The following FKBP6 variants were observed in gnomAD, a reference collection of about 807,000 sequenced individuals.
FKBP6 encodes the protein FKBP prolyl isomerase family member 6 (inactive).
A neutral mutation model predicts 41.7 loss-of-function variants in FKBP6; 29 were observed. The observed-to-expected ratio is 0.70, with a 90% CI of 0.52 to 0.95. The LOEUF (loss-of-function observed/expected upper bound fraction) is 0.95, where lower values mean the gene tolerates loss of function less well. FKBP6 is among the 40% of genes least tolerant of loss of function. The pLI, the probability that FKBP6 is intolerant of heterozygous loss-of-function variation, is 0.00. For missense variants in FKBP6, 338 were observed against 408.7 expected (o/e 0.83, Z 1.49); for synonymous variants, 130 against 165.1 (o/e 0.79, Z 1.63).
chr7:73,353,778 G>T (rs1805555823), intron 8 of FKBP6, among the ~76,000 whole-genome samples: 1 of 150,268 alleles, frequency 6.7e-6, no homozygotes, highest in Non-Finnish European at 1.5e-5. Flanking sequence ...CTATTGCCCA[G>T]CCTGGAGCAC....
At chr7:73,348,920 C>T (rs1027068366) in intron 8 of FKBP6, among the ~76,000 whole-genome samples, 1 of 151,752 alleles carries the variant, frequency 6.6e-6, no homozygotes, top group Admixed American at 6.6e-5. Context: ...GCCTGGGCAA[C>T]ATGGTGAAAC....
At chr7:73,337,815 C>G (rs1563315052) in intron 5 of FKBP6, among the ~76,000 whole-genome samples, 1 of 152,004 alleles carries the variant, frequency 6.6e-6, no homozygotes, top group Non-Finnish European at 1.5e-5. Context: ...TTGCCACTAT[C>G]TAATTCCAGA....
At position 73,330,148 on chromosome 7, in the gene FKBP6, A is replaced by G; in HGVS notation, c.266-2A>G. The G allele has an allele frequency of 6.2e-7, 1 of 1,611,626 alleles. No individual in the cohort carries two copies. The highest frequency in any genetic ancestry group is 1.1e-5 in the South Asian group (1 of 91,010). ...ACCCACCTTCTTTGTCCATTCTTAC[A>G]GATATTACACTGTGGGGCATGGAGC... On this transcript the variant is annotated splice_acceptor_variant, in intron 3 of 8. Coordinates refer to ENST00000252037, the MANE Select transcript of FKBP6 (RefSeq NM_003602.5). LOFTEE classifies it high-confidence loss of function.
At chr7:73,343,126 CA>C (rs1242258175) in intron 8 of FKBP6, among the ~76,000 whole-genome samples, 2 of 152,144 alleles carry the variant, frequency 1.3e-5, no homozygotes, top group Non-Finnish European at 2.9e-5. Flanking sequence ...TGTATAGGTT[CA>C]GGGGGCCTTG....
chr7:73,352,710 A>G (rs138265425), intron 8 of FKBP6, among the ~76,000 whole-genome samples: 94 of 152,314 alleles, frequency 6.2e-4, no homozygotes, highest in African/African-American at 2.1e-3. Context: ...TTCAAATCTA[A>G]TAGATAAGTG....
chr7:73,337,966 T>G (rs1805059107), intron 5 of FKBP6, among the ~76,000 whole-genome samples: 1 of 152,236 alleles, frequency 6.6e-6, no homozygotes, highest in African/African-American at 2.4e-5. Flanking sequence ...GTGGCTGTCT[T>G]ATTTCACTTA....
In FKBP6 at chr7:73,342,809, G is replaced by C; in HGVS notation, c.896G>C (p.Cys299Ser). The C allele has an allele frequency of 6.2e-7, 1 of 1,610,452 alleles. No individual in the cohort carries two copies. The highest frequency in any genetic ancestry group is 8.5e-7 in the Non-Finnish European group (1 of 1,176,604). The change falls in exon 8 of 9, where the codon TGT becomes TCT. Residue 299 changes from cysteine to serine, a missense_variant and splice_region_variant. By Grantham distance (112) the Cys-to-Ser change is moderately radical. Around this residue, in one of 2 missense-constraint regions of FKBP6, gnomAD observed 239 missense variants for 250.1 expected, o/e 0.96. Coordinates refer to ENST00000252037, the MANE Select transcript of FKBP6 (RefSeq NM_003602.5). ...INNELKKLASCYRDYVDKEKE... is the reference protein window; with the variant it reads ...INNELKKLASSYRDYVDKEKE... ...CAAGTGTGTATTTCCCTCTCCAGCT[G>C]TTACAGGGACTATGTGGATAAAGAG...
chr7:73,329,045 G>A (rs781198883), intron 2 of FKBP6, among the ~76,000 whole-genome samples: 1 of 152,026 alleles, frequency 6.6e-6, no homozygotes, highest in Non-Finnish European at 1.5e-5. Flanking sequence ...ACCCAAGTGA[G>A]CCTCCCACCT....
chr7:73,329,737 T>G, intron 3 of FKBP6: 1 of 549,742 alleles, frequency 1.8e-6, no homozygotes, highest in Non-Finnish European at 3.3e-6. Context: ...CCACAATACA[T>G]GGTGAAAAGA....
chr7:73,330,084 A>G, intron 3 of FKBP6, 66 bp from the exon 4 acceptor site: 10 of 1,218,152 alleles, frequency 8.2e-6, no homozygotes, highest in Non-Finnish European at 1.2e-5. Context: ...TAGAGGGGGA[A>G]GAAACTGATA....
Position 73,341,374 on chromosome 7 carries a change from A to C in FKBP6, c.885A>C (p.Lys295Asn). 6.3e-7 allele frequency: 1 copy of C among 1,597,430 alleles called. No homozygotes were observed. Among genetic ancestry groups the C allele is most frequent in the Non-Finnish European group, 8.6e-7 (1 of 1,164,890 alleles). ...ATGACATCAATAATGAGCTGAAGAA[A>C]CTGGCTAGGTGAGCTGTGTTTGCAG... is the stretch of plus-strand genomic sequence containing the variant. Reference protein sequence around the residue: ...FNHDINNELKKLASCYRDYVD... With the variant: ...FNHDINNELKNLASCYRDYVD... Residue 295 changes from lysine to asparagine, a missense_variant, in exon 7 of 9, where the codon AAA (lysine) becomes AAC (asparagine). Around this residue, in one of 2 missense-constraint regions of FKBP6, gnomAD observed 239 missense variants for 250.1 expected, o/e 0.96. Coordinates refer to ENST00000252037, the MANE Select transcript of FKBP6 (RefSeq NM_003602.5).
intron 5 of FKBP6, chr7:73,339,312 C>T (rs1356283183): frequency 6.6e-6 from 1 of 152,166 alleles, no homozygotes; most frequent in African/African-American, 2.4e-5. Flanking sequence ...CTCGTCCCAG[C>T]ATTATTTGTT....
At chr7:73,338,321 C>T (rs1349885648) in intron 5 of FKBP6, among the ~76,000 whole-genome samples, 1 of 152,194 alleles carries the variant, frequency 6.6e-6, no homozygotes, top group African/African-American at 2.4e-5. Flanking sequence ...CCACCGCACC[C>T]GGACCCTCGT....
chr7:73,343,219 G>A (rs573851537), intron 8 of FKBP6, among the ~76,000 whole-genome samples: 10 of 152,100 alleles, frequency 6.6e-5, no homozygotes, highest in African/African-American at 9.7e-5. Context: ...GCAGTGGTGC[G>A]ATCTCAGCTC....
chr7:73,336,020 A>T (rs1804996908), intron 5 of FKBP6, among the ~76,000 whole-genome samples: 1 of 152,164 alleles, frequency 6.6e-6, no homozygotes, highest in African/African-American at 2.4e-5. Context: ...TCACACAAGT[A>T]TGGGGTTTCC....
Position 73,329,362 on chromosome 7 carries a change from A to G in FKBP6, c.178A>G (p.Lys60Glu). The change falls in exon 3 of 9, where the codon AAA becomes GAA. Residue 60 changes from lysine to glutamate, a missense_variant and splice_region_variant. By Grantham distance (56) the Lys-to-Glu change is moderately conservative (BLOSUM62 1). Transcript: ENST00000252037. The part of the protein sequence containing the change: ...LVAPDASVLV[K>E]YSGYLEHMDR... ...TTACATTCTTTCTTCTATCCTAGTG[A>G]AATACTCGGGATACCTGGAACACAT... 6.3e-7 allele frequency: 1 copy of G among 1,586,228 alleles called. No homozygotes were observed. Among genetic ancestry groups the G allele is most frequent in the Non-Finnish European group, 8.7e-7 (1 of 1,154,656 alleles).
At chr7:73,342,973 A>G in intron 8 of FKBP6, 74 bp downstream of exon 8, 1 of 1,009,192 alleles carries the variant, frequency 9.9e-7, no homozygotes, top group Non-Finnish European at 1.6e-6. Flanking sequence ...CCCCAAGTGA[A>G]TGGTGGCTGT....
chr7:73,339,202 G>A (rs562050392), intron 5 of FKBP6: 2 of 152,332 alleles, frequency 1.3e-5, no homozygotes, highest in East Asian at 3.9e-4. Flanking sequence ...AGCCAGCGCA[G>A]AGTCTTAGAG....
chr7:73,344,138 T>G (rs1805273204), intron 8 of FKBP6, among the ~76,000 whole-genome samples: 1 of 152,200 alleles, frequency 6.6e-6, no homozygotes, highest in Non-Finnish European at 1.5e-5. Context: ...CCTTGTTTGG[T>G]CACTTCTAGT....
Sources: allele counts gnomAD v4.1 joint callset (sites outside exome capture counted in the v4.1 genomes callset), GRCh38; gene constraint gnomAD v4.1.1; regional missense constraint gnomAD v4.1.1; transcripts MANE v1.5; gene names NCBI Gene and HGNC (gene_info 2026-07-23, HGNC 2026-07-21).